The following NECAP2 variants were observed in gnomAD, a reference collection of about 807,000 sequenced individuals.
NECAP2 encodes NECAP endocytosis associated 2.
A neutral mutation model predicts 37.8 loss-of-function variants in NECAP2; 38 were observed. That is an observed-to-expected ratio of 1.01 (90% CI 0.78 to 1.32). The LOEUF (loss-of-function observed/expected upper bound fraction) is 1.32, where lower values mean the gene tolerates loss of function less well. Ranked by LOEUF, NECAP2 falls within the 40% of genes most tolerant of loss-of-function variation. NECAP2 has a pLI of 0.00. For missense variants in NECAP2, 316 were observed against 334.5 expected (o/e 0.94, Z 0.43); for synonymous variants, 121 against 127.7 (o/e 0.95, Z 0.35).
chr1:16,441,540 G>A (rs2086690125), intron 1 of NECAP2: 1 of 152,032 alleles, frequency 6.6e-6, no homozygotes, highest in Admixed American at 6.5e-5. Flanking sequence ...TGCTGTTTGC[G>A]TTTTACTACT....
At chr1:16,443,787 G>A (rs1170254736) in intron 2 of NECAP2, 55 bp downstream of exon 2, 6 of 1,426,278 alleles carry the variant, frequency 4.2e-6, no homozygotes, top group Non-Finnish European at 5.9e-6. Context: ...CTTTATGAAG[G>A]GAGAGGTGGC....
Position 16,455,817 on chromosome 1 carries a change from G to A in NECAP2, c.668-1G>A. Reference sequence around the variant, plus strand: ...CGGGTCGGACTCGGGAACATCAATAGGAGGTGCTCCTGTACCCTGGCCACA... The same window carrying A: ...CGGGTCGGACTCGGGAACATCAATAAGAGGTGCTCCTGTACCCTGGCCACA... On this transcript the variant is annotated splice_acceptor_variant, in intron 6 of 7. Coordinates refer to ENST00000337132, the MANE Select transcript of NECAP2 (RefSeq NM_018090.5). LOFTEE classifies it high-confidence loss of function. The A allele has an allele frequency of 6.2e-7, 1 of 1,613,426 alleles. No homozygotes were observed. Among genetic ancestry groups the A allele is most frequent in the South Asian group, 1.1e-5 (1 of 91,068 alleles).
chr1:16,456,361 C>T (rs969218218), intron 7 of NECAP2, among the ~76,000 whole-genome samples: 2 of 152,164 alleles, frequency 1.3e-5, no homozygotes, highest in Admixed American at 1.3e-4. Context: ...GAGGACAGAG[C>T]CCCAGCGTGC....
At chr1:16,453,063 CT>C (rs2086869532) in intron 6 of NECAP2, among the ~76,000 whole-genome samples, 1 of 150,334 alleles carries the variant, frequency 6.7e-6, no homozygotes. Flanking sequence ...GGACCACTTG[CT>C]TTGGCATCGC....
Position 16,449,106 on chromosome 1 carries a change from C to G in NECAP2, c.394C>G (p.Gln132Glu), listed in dbSNP as rs761089425. 10 of 1,612,258 alleles carry G rather than the reference C, an allele frequency of 6.2e-6. No homozygotes were observed. The highest frequency in any genetic ancestry group is 1.6e-4 in the Middle Eastern group (1 of 6,084). The change falls in exon 5 of 8, where the codon CAG becomes GAG. Residue 132 changes from glutamine to glutamate, a missense_variant. Transcript: ENST00000337132. ...TTCTCTCCCCAGGTGGGTGAAACAG[C>G]AGTGTGAATTTGCAAAACAAGCCCA... Reference protein sequence around the residue: ...LQDHFKWVKQQCEFAKQAQNP... With the variant: ...LQDHFKWVKQECEFAKQAQNP...
In NECAP2 at chr1:16,447,878, T is replaced by C; in HGVS notation, c.202T>C (p.Phe68Leu). The change falls in exon 3 of 8, where the codon TTT (phenylalanine) becomes CTT (leucine). Residue 68 changes from phenylalanine (F) to leucine (L), a missense_variant. Coordinates refer to ENST00000337132, the MANE Select transcript of NECAP2 (RefSeq NM_018090.5). Reference sequence around the variant, plus strand: ...CTAACCTGTGCTTTCAGGGGAGCTCTTTGCTCAGGCCCCGGTGGATCAGTT... The same window carrying C: ...CTAACCTGTGCTTTCAGGGGAGCTCCTTGCTCAGGCCCCGGTGGATCAGTT... The part of the protein sequence containing the change: ...KLEDRTSGEL[F>L]AQAPVDQFPG... 1 of 1,614,074 alleles carries C rather than the reference T, an allele frequency of 6.2e-7. No homozygotes were observed. The highest frequency in any genetic ancestry group is 8.5e-7 in the Non-Finnish European group (1 of 1,179,960).
rs368341438 is a variant in NECAP2, at chr1:16,443,780, T to A, written c.193+48T>A. The A allele has an allele frequency of 2.0e-6, 3 of 1,465,062 alleles. No homozygotes were observed. The South Asian group carries it at 3.5e-5, about 17-fold the overall frequency. The allele number at this position is 1,465,062 out of a possible 1,614,324, so 90.8% of individuals were successfully genotyped here. ...CAAGCTGAGGGGCCGCACCCCACTT[T>A]ATGAAGGGAGAGGTGGCCTGGTCTG... On this transcript the variant is annotated intron_variant, in intron 2 of 7. Coordinates refer to ENST00000337132, the MANE Select transcript of NECAP2 (RefSeq NM_018090.5).
At chr1:16,454,914 A>G (rs149527016) in intron 6 of NECAP2, among the ~76,000 whole-genome samples, 1,628 of 152,300 alleles carry the variant, frequency 0.011, 32 homozygotes, top group African/African-American at 0.035. Flanking sequence ...CACCAGTCCT[A>G]TGGAGTAGTT....
chr1:16,452,060 C>T (rs369642475), intron 6 of NECAP2, 45 bp downstream of exon 6: 3 of 1,508,476 alleles, frequency 2.0e-6, no homozygotes, highest in Non-Finnish European at 2.7e-6. Flanking sequence ...CTGCCGGCTC[C>T]TCTTCTCCCT....
At chr1:16,446,383 A>AT (rs1411652049) in intron 2 of NECAP2, among the ~76,000 whole-genome samples, 2 of 152,190 alleles carry the variant, frequency 1.3e-5, no homozygotes, top group African/African-American at 4.8e-5. Context: ...CCTGGGCAAC[A>AT]TATCAAGACC....
At chr1:16,447,804 T>TGTG (rs1278425322) in intron 2 of NECAP2, 66 bp from the exon 3 acceptor site, 2 of 1,304,736 alleles carry the variant, frequency 1.5e-6, no homozygotes, top group Non-Finnish European at 2.2e-6. Flanking sequence ...GGCCCAGTAG[T>TGTG]GTGGTAGAAA....
rs569585513 is a variant in NECAP2, at chr1:16,440,785, G to C, written c.24G>C (p.Ser8=). 2 of 1,614,156 alleles carry C rather than the reference G, an allele frequency of 1.2e-6. No homozygotes were observed. The highest frequency in any genetic ancestry group is 2.2e-5 in the East Asian group (1 of 44,874). MEESGYE[S]VLCVKPDVHV... is the part of the protein sequence containing the mutation. ...CGATGGAGGAGAGCGGGTACGAGTC[G>C]GTGCTCTGTGTCAAGCCTGACGTCC... Residue 8 remains serine, a synonymous_variant, in exon 1 of 8, where the codon TCG becomes TCC. Transcript: ENST00000337132.
At chr1:16,440,953 T>G in intron 1 of NECAP2, 100 bp downstream of exon 1, 1 of 967,174 alleles carries the variant, frequency 1.0e-6, no homozygotes, top group Non-Finnish European at 1.6e-6. Flanking sequence ...TGGCCAGTTT[T>G]GGGGCGAGGG....
chr1:16,458,828 T>C lies in NECAP2; in HGVS notation c.744-14T>C, dbSNP rs748282409. On this transcript the variant is annotated splice_polypyrimidine_tract_variant and intron_variant, in intron 7 of 7. Coordinates refer to ENST00000337132, the MANE Select transcript of NECAP2 (RefSeq NM_018090.5). ...ATCTGAACTCCCCCACCCTTCCCTG[T>C]CTTCTCTTTACAGATCAACTTCCAG... is the stretch of plus-strand genomic sequence containing the variant. 6.2e-7 allele frequency: 1 copy of C among 1,613,154 alleles called. No homozygotes were observed. Among genetic ancestry groups the C allele is most frequent in the Admixed American group, 1.7e-5 (1 of 59,736 alleles).
At position 16,458,953 on chromosome 1, in the gene NECAP2, A is replaced by G. The variant is rs2086970191; in HGVS notation, c.*63A>G. ...GCGCTCCCTCATCTGGGCCAAAGGAAGGAGGACGAAGCCCTCCTCAGCTGG... is the reference window on the plus strand; with the variant it reads ...GCGCTCCCTCATCTGGGCCAAAGGAGGGAGGACGAAGCCCTCCTCAGCTGG... On this transcript the variant is annotated 3_prime_UTR_variant, in exon 8 of 8. Coordinates refer to ENST00000337132, the MANE Select transcript of NECAP2 (RefSeq NM_018090.5). 1.2e-6 allele frequency: 2 copies of G among 1,613,628 alleles called. No individual in the cohort carries two copies. The highest frequency in any genetic ancestry group is 1.7e-6 in the Non-Finnish European group (2 of 1,179,856).
intron 1 of NECAP2, among the ~76,000 whole-genome samples, chr1:16,441,798 CG>C (rs1367241088): frequency 6.6e-6 from 1 of 152,062 alleles, no homozygotes; most frequent in African/African-American, 2.4e-5. Context: ...GTTGTGTTAC[CG>C]TGGGCTCATA....
intron 6 of NECAP2, 103 bp from the exon 7 acceptor site, chr1:16,455,715 G>T: frequency 1.1e-6 from 1 of 900,852 alleles, no homozygotes; most frequent in South Asian, 1.4e-5. Flanking sequence ...TCATGAGACT[G>T]ATCACTGAGT....
intron 2 of NECAP2, among the ~76,000 whole-genome samples, chr1:16,444,414 C>T (rs1359500276): frequency 3.3e-5 from 5 of 152,184 alleles, no homozygotes; most frequent in African/African-American, 1.2e-4. Flanking sequence ...AGAGATTTTC[C>T]TTTGTAGAGC....
rs747971763 is a variant in NECAP2 at position 16,458,961 on chromosome 1, G to A, written c.*71G>A. On this transcript the variant is annotated 3_prime_UTR_variant, in exon 8 of 8. Coordinates refer to ENST00000337132, the MANE Select transcript of NECAP2 (RefSeq NM_018090.5). Reference sequence around the variant, plus strand: ...TCATCTGGGCCAAAGGAAGGAGGACGAAGCCCTCCTCAGCTGGCCTGTGTT... The same window carrying A: ...TCATCTGGGCCAAAGGAAGGAGGACAAAGCCCTCCTCAGCTGGCCTGTGTT... 9.9e-6 allele frequency: 16 copies of A among 1,613,164 alleles called. No individual in the cohort carries two copies. Among genetic ancestry groups the A allele is most frequent in the Middle Eastern group, 1.7e-4 (1 of 6,058 alleles).
Sources: gnomAD v4.1 joint callset for allele counts (sites outside exome capture counted in the v4.1 genomes callset) on GRCh38, gnomAD v4.1.1 for gene constraint, MANE v1.5 for transcripts, NCBI Gene and HGNC (gene_info 2026-07-23, HGNC 2026-07-21) for gene names.